The following ST18 variants were observed in gnomAD, a reference collection of about 807,000 sequenced individuals.
ST18 encodes suppression of tumorigenicity 18 protein.
In ST18, 50 loss-of-function variants were observed where a neutral mutation model predicts 110.0. The ratio of observed to expected loss-of-function variants is 0.45; its 90% CI spans 0.36 to 0.58. ST18 has a LOEUF of 0.58. Ranked by LOEUF, ST18 falls within the 20% of genes least tolerant of loss-of-function variation. ST18 has a pLI of 0.00. For synonymous variants in ST18, 461 were observed against 452.4 expected (o/e 1.02, Z -0.24); for missense variants, 1,306 against 1,280.1 (o/e 1.02, Z -0.31).
At chr8:52,259,485 A>G (rs552345938) in intron 2 of ST18, among the ~76,000 whole-genome samples, 51 of 152,340 alleles carry the variant, frequency 3.3e-4, no homozygotes, top group African/African-American at 1.2e-3. Context: ...AGTCAATAAG[A>G]TGTATCAAAG....
intron 2 of ST18, among the ~76,000 whole-genome samples, chr8:52,289,103 C>A (rs563524805): frequency 3.3e-4 from 50 of 152,276 alleles, no homozygotes; most frequent in African/African-American, 1.2e-3. Context: ...AATTCCAGCC[C>A]CTGCAGGTCA....
chr8:52,222,821 C>T (rs1481801838), intron 3 of ST18, among the ~76,000 whole-genome samples: 1 of 152,134 alleles, frequency 6.6e-6, no homozygotes, highest in African/African-American at 2.4e-5. Flanking sequence ...TAAGGACTTA[C>T]CAAAATATTC....
intron 22 of ST18, among the ~76,000 whole-genome samples, chr8:52,127,975 ATT>A (rs11393476): frequency 2.0e-5 from 3 of 147,850 alleles, no homozygotes; most frequent in East Asian, 2.0e-4. Context: ...ATATTAAGGG[ATT>A]TTTTTTTTTT....
At chr8:52,337,028 A>G (rs772525941) in intron 2 of ST18, among the ~76,000 whole-genome samples, 6 of 152,252 alleles carry the variant, frequency 3.9e-5, no homozygotes, top group Non-Finnish European at 4.4e-5. Context: ...CCAGTTTCTA[A>G]CAATCAACTA....
chr8:52,409,238 T>C (rs1447445345), intron 2 of ST18, 90 bp downstream of exon 2: 1 of 152,270 alleles, frequency 6.6e-6, no homozygotes, highest in East Asian at 1.9e-4. Context: ...TCCTTGCGCA[T>C]CTTGCGCCAG....
In ST18 at chr8:52,373,178, G is replaced by A. The variant is rs543282112; in HGVS notation, c.-465+36150C>T. On this transcript the variant is annotated intron_variant, in intron 2 of 25. Coordinates refer to ENST00000689386, the MANE Select transcript of ST18 (RefSeq NM_001352837.2). ...GTTTGTTTCTGGGAAAGGAGGGGAAGGGGTCACACAGCTCAATCAGCCTGG... is the reference window on the plus strand; with the variant it reads ...GTTTGTTTCTGGGAAAGGAGGGGAAAGGGTCACACAGCTCAATCAGCCTGG... Among the ~76,000 whole-genome samples, 21 of 152,206 alleles carry A rather than the reference G, an allele frequency of 1.4e-4. No individual in the cohort carries two copies. In the South Asian group the frequency reaches 3.7e-3, roughly 27 times the overall value.
chr8:52,406,398 G>A (rs1407218401), intron 2 of ST18: 1 of 152,530 alleles, frequency 6.6e-6, no homozygotes, highest in African/African-American at 2.4e-5. Flanking sequence ...GTCAGCGTGT[G>A]TGTGAGTCAG....
chr8:52,195,178 G>T (rs138185742), intron 8 of ST18, among the ~76,000 whole-genome samples: 94 of 152,196 alleles, frequency 6.2e-4, no homozygotes, highest in African/African-American at 2.1e-3. Context: ...GGATGTACCC[G>T]GAAGAGCAGA....
At chr8:52,190,787 G>C (rs2074224384) in intron 8 of ST18, among the ~76,000 whole-genome samples, 1 of 152,182 alleles carries the variant, frequency 6.6e-6, no homozygotes, top group African/African-American at 2.4e-5. Flanking sequence ...ACCATGCTAA[G>C]GAGAACAGAG....
At position 52,149,828 on chromosome 8, in the gene ST18, G is replaced by A; in HGVS notation, c.1956C>T (p.Val652=). The A allele has an allele frequency of 6.2e-7, 1 of 1,614,146 alleles. No homozygotes were observed. The stretch of plus-strand genomic sequence containing the variant: ...AAAGAGCCTGATAGAATGCTGCATT[G>A]ACCAGAATGCTGCTTGTTTTGAATG... ...SSPFKTSSIL[V]NAAFYQALCD... Residue 652 remains valine, a synonymous_variant, in exon 16 of 26, where the codon GTC becomes GTT. Transcript: ENST00000689386.
chr8:52,288,648 C>T (rs2095506354), intron 2 of ST18, among the ~76,000 whole-genome samples: 1 of 149,602 alleles, frequency 6.7e-6, no homozygotes, highest in South Asian at 2.1e-4. Flanking sequence ...GAGCCGAGAT[C>T]GCACCACTGC....
chr8:52,240,188 C>T (rs2093259989), intron 2 of ST18, among the ~76,000 whole-genome samples: 1 of 151,896 alleles, frequency 6.6e-6, no homozygotes, highest in Non-Finnish European at 1.5e-5. Context: ...TCTCATTAGT[C>T]TTTTAGTTTT....
chr8:52,120,313 TTG>T (rs1385571684), intron 23 of ST18, among the ~76,000 whole-genome samples: 1 of 152,266 alleles, frequency 6.6e-6, no homozygotes, highest in Non-Finnish European at 1.5e-5. Context: ...CTTTGACATA[TTG>T]TTTTTCTTTT....
rs372843576 is a variant in ST18 at position 52,172,325 on chromosome 8, A to C, written c.536T>G (p.Ile179Ser). The change falls in exon 10 of 26, where the codon ATT (isoleucine) becomes AGT (serine). Residue 179 changes from isoleucine (I) to serine (S), a missense_variant. By Grantham distance (142) the Ile-to-Ser change is moderately radical. Coordinates refer to ENST00000689386, the MANE Select transcript of ST18 (RefSeq NM_001352837.2). The part of the protein sequence containing the change: ...LIHSDDGRDK[I>S]DDSQPPFCSS... ...GCAGAAGGGTGGCTGAGAATCATCA[A>C]TCTTGTCTCTTCCATCATCAGAATG... is the stretch of plus-strand genomic sequence containing the variant. 2.4e-5 allele frequency: 39 copies of C among 1,614,034 alleles called. No individual in the cohort carries two copies. The highest frequency in any genetic ancestry group is 3.1e-5 in the Non-Finnish European group (37 of 1,180,040).
chr8:52,171,036 AAAATGC>A (rs1380035317), intron 10 of ST18, among the ~76,000 whole-genome samples: 2 of 152,144 alleles, frequency 1.3e-5, no homozygotes, highest in Non-Finnish European at 2.9e-5. Context: ...CTTAGAGAAA[AAAATGC>A]AAATGCTGGA....
intron 2 of ST18, among the ~76,000 whole-genome samples, chr8:52,396,265 T>C (rs1206015831): frequency 6.6e-6 from 1 of 152,142 alleles, no homozygotes; most frequent in Non-Finnish European, 1.5e-5. Flanking sequence ...TACTTTATTT[T>C]TTTGACCTAC....
rs77926176 is a variant in ST18 at position 52,342,570 on chromosome 8, C to A, written c.-465+66758G>T. ...TGACATTTCTAGAAACAACCTTATG[C>A]GCCTCAGCCAGCTGGGCAGCACATA... On this transcript the variant is annotated intron_variant, in intron 2 of 25. Transcript: ENST00000689386. 5.1e-3 allele frequency among the ~76,000 whole-genome samples: 780 copies of A among 152,298 alleles called. 33 individuals are homozygous for A. In the East Asian group the frequency reaches 0.11, roughly 21 times the overall value.
At chr8:52,281,707 C>T (rs890548364) in intron 2 of ST18, among the ~76,000 whole-genome samples, 1 of 152,176 alleles carries the variant, frequency 6.6e-6, no homozygotes, top group Non-Finnish European at 1.5e-5. Flanking sequence ...TGGAATACAA[C>T]TCAGCCATAA....
At chr8:52,268,465 TATC>T (rs1423142797) in intron 2 of ST18, among the ~76,000 whole-genome samples, 7 of 136,060 alleles carry the variant, frequency 5.1e-5, no homozygotes, top group Non-Finnish European at 7.9e-5. Context: ...TCTATCTATC[TATC>T]ATCTATCTAT....
Sources: gnomAD v4.1 joint callset for allele counts (sites outside exome capture counted in the v4.1 genomes callset) on GRCh38, gnomAD v4.1.1 for gene constraint, MANE v1.5 for transcripts, NCBI Gene and HGNC (gene_info 2026-07-23, HGNC 2026-07-21) for gene names.